PDCL3: variants seen among roughly 807,000 people sequenced by gnomAD.
PDCL3 encodes phosducin-like protein 3.
A neutral mutation model predicts 26.5 loss-of-function variants in PDCL3; 22 were observed. The ratio of observed to expected loss-of-function variants is 0.83; its 90% CI spans 0.59 to 1.19. The LOEUF is 1.19. Ranked by LOEUF, PDCL3 falls within the 50% of genes most tolerant of loss-of-function variation. The pLI, the probability that PDCL3 is intolerant of heterozygous loss-of-function variation, is 0.00. For missense variants in PDCL3, 246 were observed against 294.1 expected, an observed-to-expected ratio of 0.84 and a Z score of 1.20; for synonymous variants, 81 against 104.9, an observed-to-expected ratio of 0.77 and a Z score of 1.39.
At chr2:100,567,005 G>A (rs763907719) in intron 2 of PDCL3, among the ~76,000 whole-genome samples, 1 of 152,126 alleles carries the variant, frequency 6.6e-6, no homozygotes, top group Non-Finnish European at 1.5e-5. Context: ...TGCTTCATTT[G>A]GGGAGGCATA....
chr2:100,576,371 T>G lies in PDCL3; in HGVS notation c.595T>G (p.Ser199Ala). Residue 199 changes from serine to alanine, a missense_variant, in exon 6 of 6, where the codon TCT (serine) becomes GCT (alanine). Transcript: ENST00000264254. ...CCATATAGAGTTGGAATGGAAACTG[T>G]CTGAATCTGGAGCAATTATGACAGA... ...LTRDELEWKL[S>A]ESGAIMTDLE... 6.2e-7 allele frequency: 1 copy of G among 1,613,918 alleles called. No homozygotes were observed.
chr2:100,569,555 G>T (rs1675126403), intron 3 of PDCL3, 23 bp from the exon 4 acceptor site: 2 of 1,611,288 alleles, frequency 1.2e-6, no homozygotes, highest in Non-Finnish European at 1.7e-6. Context: ...GACGTAAGAT[G>T]TTTCTCTCCT....
intron 2 of PDCL3, among the ~76,000 whole-genome samples, chr2:100,567,402 G>A (rs890739174): frequency 6.6e-6 from 1 of 152,144 alleles, no homozygotes; most frequent in African/African-American, 2.4e-5. Flanking sequence ...ACATTCAAGT[G>A]GGGGAGACAG....
intron 4 of PDCL3, among the ~76,000 whole-genome samples, chr2:100,570,624 C>A (rs1028394527): frequency 1.3e-5 from 2 of 151,866 alleles, no homozygotes; most frequent in Non-Finnish European, 2.9e-5. Flanking sequence ...ATTACAGGCG[C>A]CTGCCACCGC....
intron 4 of PDCL3, 83 bp downstream of exon 4, chr2:100,569,804 G>A: frequency 6.7e-7 from 1 of 1,501,772 alleles, no homozygotes; most frequent in East Asian, 2.4e-5. Flanking sequence ...ATATCAGAGG[G>A]TTAAGAAATT....
chr2:100,570,154 G>A (rs965007237), intron 4 of PDCL3, among the ~76,000 whole-genome samples: 1 of 151,916 alleles, frequency 6.6e-6, no homozygotes, highest in African/African-American at 2.4e-5. Context: ...TTTTTTTGCT[G>A]GTTTGCCCAA....
rs1200946874 is a variant in PDCL3 at position 100,569,000 on chromosome 2, A to G, written c.203A>G (p.Glu68Gly). ...GAAGACGAGTTTAATGAGGAGGATG[A>G]ACGTGCTATTGAAATGTACAGGTAA... ...DHEDEFNEED[E>G]RAIEMYRRRR... is the part of the protein sequence containing the mutation. Residue 68 changes from glutamate (E) to glycine (G), a missense_variant, in exon 3 of 6, where the codon GAA becomes GGA. Physicochemically the swap from Glu to Gly is moderately conservative, Grantham distance 98. Coordinates refer to ENST00000264254, the MANE Select transcript of PDCL3 (RefSeq NM_024065.5). 7 of 1,613,918 alleles carry G rather than the reference A, an allele frequency of 4.3e-6. No homozygotes were observed. Among genetic ancestry groups the G allele is most frequent in the Non-Finnish European group, 5.9e-6 (7 of 1,179,958 alleles).
chr2:100,575,199 G>A (rs1210213687), intron 5 of PDCL3, among the ~76,000 whole-genome samples: 8 of 152,284 alleles, frequency 5.3e-5, no homozygotes, highest in African/African-American at 9.6e-5. Flanking sequence ...GCAATGGCGC[G>A]ATCTCGGCTC....
intron 5 of PDCL3, among the ~76,000 whole-genome samples, chr2:100,573,671 CAAAA>C (rs67667967): frequency 5.7e-5 from 6 of 104,888 alleles, no homozygotes; most frequent in Admixed American, 1.0e-4. Context: ...AACTCTATCT[CAAAA>C]AAAAAAAAAA....
chr2:100,574,316 A>C (rs571322367), intron 5 of PDCL3, among the ~76,000 whole-genome samples: 1 of 151,516 alleles, frequency 6.6e-6, no homozygotes, highest in African/African-American at 2.4e-5. Flanking sequence ...GCTGGATATA[A>C]ATTCTTGAGT....
At chr2:100,573,116 C>G (rs1368948912) in intron 5 of PDCL3, among the ~76,000 whole-genome samples, 1 of 151,246 alleles carries the variant, frequency 6.6e-6, no homozygotes. Flanking sequence ...AACTCCTGAC[C>G]TCGTGATCTG....
intron 4 of PDCL3, among the ~76,000 whole-genome samples, chr2:100,570,477 T>TC (rs1675145652): frequency 1.3e-5 from 2 of 148,902 alleles, no homozygotes; most frequent in East Asian, 4.0e-4. Flanking sequence ...GGAATTTCTT[T>TC]TTTTTTTTTT....
At chr2:100,571,061 C>T (rs909929953) in intron 4 of PDCL3, among the ~76,000 whole-genome samples, 2 of 140,816 alleles carry the variant, frequency 1.4e-5, no homozygotes, top group Non-Finnish European at 3.0e-5. Context: ...GGCCGGATCT[C>T]GAGCTCAAGA....
intron 4 of PDCL3, among the ~76,000 whole-genome samples, chr2:100,570,805 C>T (rs1269025337): frequency 6.6e-6 from 1 of 152,120 alleles, no homozygotes; most frequent in Non-Finnish European, 1.5e-5. Context: ...AAAACGTTTT[C>T]TGACATTTCA....
Position 100,569,632 on chromosome 2 carries a change from A to G in PDCL3, c.279A>G (p.Glu93=). The G allele has an allele frequency of 1.9e-6, 3 of 1,614,008 alleles. No homozygotes were observed. The highest frequency in any genetic ancestry group is 1.1e-5 in the South Asian group (1 of 91,060). ...CTAAACTGAAGAATAAATTCGGAGAAGTTTTGGAGATCTCAGGGAAGGATT... is the reference window on the plus strand; with the variant it reads ...CTAAACTGAAGAATAAATTCGGAGAGGTTTTGGAGATCTCAGGGAAGGATT... ...KATKLKNKFG[E]VLEISGKDYV... Residue 93 remains glutamate, a synonymous_variant, in exon 4 of 6, where the codon GAA becomes GAG. Coordinates refer to ENST00000264254, the MANE Select transcript of PDCL3 (RefSeq NM_024065.5).
Position 100,566,539 on chromosome 2 carries a change from C to T in PDCL3, c.43C>T (p.Arg15Cys), listed in dbSNP as rs777385726. ...NADTEWNDILRKKGILPPKES... is the reference protein window; with the variant it reads ...NADTEWNDILCKKGILPPKES... ...AGACACTGAATGGAATGACATCTTA[C>T]GCAAAAAGGGTATCTTACCCCCCAA... Residue 15 changes from arginine to cysteine, a missense_variant, in exon 2 of 6, where the codon CGC becomes TGC. Physicochemically the swap from Arg to Cys is radical, Grantham distance 180 (BLOSUM62 -3). Coordinates refer to ENST00000264254, the MANE Select transcript of PDCL3 (RefSeq NM_024065.5). 35 of 1,613,152 alleles carry T rather than the reference C, an allele frequency of 2.2e-5. No homozygotes were observed. The highest frequency in any genetic ancestry group is 2.5e-5 in the Non-Finnish European group (30 of 1,179,864).
At chr2:100,571,062 G>A (rs1364225421) in intron 4 of PDCL3, among the ~76,000 whole-genome samples, 6 of 142,138 alleles carry the variant, frequency 4.2e-5, no homozygotes, top group South Asian at 2.2e-4. Context: ...GCCGGATCTC[G>A]AGCTCAAGAG....
chr2:100,576,359 G>T lies in PDCL3; in HGVS notation c.583G>T (p.Glu195Ter). Residue 195 changes from glutamate (E) to a stop codon, truncating the protein, a stop_gained, in exon 6 of 6, where the codon GAA becomes TAA. Coordinates refer to ENST00000264254, the MANE Select transcript of PDCL3 (RefSeq NM_024065.5). LOFTEE classifies it high-confidence loss of function. ...GGMNLTRDELEWKLSESGAIM... is the reference protein window; with the variant it reads ...GGMNLTRDEL Reference sequence around the variant, plus strand: ...GCTTTTTCTTTACCATATAGAGTTGGAATGGAAACTGTCTGAATCTGGAGC... The same window carrying T: ...GCTTTTTCTTTACCATATAGAGTTGTAATGGAAACTGTCTGAATCTGGAGC... 1 of 1,613,790 alleles carries T rather than the reference G, an allele frequency of 6.2e-7. No homozygotes were observed. Among genetic ancestry groups the T allele is most frequent in the Non-Finnish European group, 8.5e-7 (1 of 1,179,812 alleles).
rs575894870 is a variant in PDCL3 at position 100,566,701 on chromosome 2, CA to C, written c.133+73del. On this transcript the variant is annotated intron_variant, in intron 2 of 5. Transcript: ENST00000264254. The stretch of plus-strand genomic sequence containing the variant: ...CTCCCTAAGCCTCTGACTGCCCTGC[CA>C]GGAGACAGGTTGGAGTGCCAGCATG... 1,096 of 1,583,982 alleles carry C rather than the reference CA, an allele frequency of 6.9e-4. 9 individuals carry two copies. In the African/African-American group the frequency reaches 0.014, roughly 20 times the overall value.
Sources: gnomAD v4.1 joint callset for allele counts (sites outside exome capture counted in the v4.1 genomes callset) on GRCh38, gnomAD v4.1.1 for gene constraint, MANE v1.5 for transcripts, NCBI Gene and HGNC (gene_info 2026-07-23, HGNC 2026-07-21) for gene names.